Variants in ZDHHC6 observed in about 807,000 individuals in gnomAD.
ZDHHC6 encodes palmitoyltransferase ZDHHC6.
In ZDHHC6, 32 loss-of-function variants were observed where a neutral mutation model predicts 57.8. The ratio of observed to expected loss-of-function variants is 0.55; its 90% CI spans 0.42 to 0.74. The LOEUF (loss-of-function observed/expected upper bound fraction) is 0.74. ZDHHC6 is among the 30% of genes least tolerant of loss of function. ZDHHC6 has a pLI of 0.00. For synonymous variants in ZDHHC6, 128 were observed against 158.0 expected (o/e 0.81, Z 1.42); for missense variants, 433 against 500.7 (o/e 0.86, Z 1.29).
At chr10:112,446,323 A>G (rs1447597117) in intron 1 of ZDHHC6, among the ~76,000 whole-genome samples, 2 of 152,106 alleles carry the variant, frequency 1.3e-5, no homozygotes, top group Admixed American at 6.6e-5. Flanking sequence ...TATGACCAGA[A>G]GAGTATATGA....
rs773490338 is a variant in ZDHHC6 at position 112,440,595 on chromosome 10, A to C, written c.620T>G (p.Leu207Trp). The C allele has an allele frequency of 6.2e-6, 10 of 1,614,108 alleles. No individual in the cohort carries two copies. The highest frequency in any genetic ancestry group is 7.6e-6 in the Non-Finnish European group (9 of 1,179,988). ...PFGLAAFATT[L>W]FALGLALGTT... ...TCCTAAAGCTAATCCCAAGGCAAAC[A>C]AGGTGGTAGCAAATGCAGCTAATCC... Residue 207 changes from leucine (L) to tryptophan (W), a missense_variant, in exon 5 of 11, where the codon TTG becomes TGG. Transcript: ENST00000369405.
At chr10:112,443,071 A>G (rs1317029685) in intron 3 of ZDHHC6, among the ~76,000 whole-genome samples, 1 of 152,202 alleles carries the variant, frequency 6.6e-6, no homozygotes, top group Non-Finnish European at 1.5e-5. Flanking sequence ...CATTTGTGAT[A>G]ATAGGCACCT....
chr10:112,445,069 A>T, intron 2 of ZDHHC6, 101 bp downstream of exon 2: 1 of 1,347,086 alleles, frequency 7.4e-7, no homozygotes, highest in East Asian at 2.5e-5. Context: ...CTCTGTGAGG[A>T]CAAACAGTAG....
At chr10:112,441,243 G>C (rs565530364) in intron 4 of ZDHHC6, among the ~76,000 whole-genome samples, 29 of 152,176 alleles carry the variant, frequency 1.9e-4, no homozygotes, top group Non-Finnish European at 3.8e-4. Context: ...TGTTTCCTCA[G>C]AAAGTGTCAA....
intron 9 of ZDHHC6, 29 bp downstream of exon 9, chr10:112,432,347 G>A (rs201745909): frequency 1.6e-5 from 26 of 1,608,902 alleles, no homozygotes; most frequent in Non-Finnish European, 2.2e-5. Context: ...TGTCCTTGAA[G>A]AAGAAATGCA....
downstream of ZDHHC6, among the ~76,000 whole-genome samples, chr10:112,428,811 C>T (rs544678796): frequency 6.6e-6 from 1 of 151,932 alleles, no homozygotes; most frequent in Admixed American, 6.6e-5. Context: ...ACCACTAATG[C>T]CTGGTTGCCA....
In ZDHHC6 at chr10:112,445,202, C is replaced by G; in HGVS notation, c.235G>C (p.Gly79Arg). ...LYNYFNAMFV[G>R]PGFVPLGWKP... ...CACCCCAGAGGGACAAAGCCCGGAC[C>G]GACAAACATGGCATTGAAGTAATTA... is the stretch of plus-strand genomic sequence containing the variant. The change falls in exon 2 of 11, where the codon GGT (glycine) becomes CGT (arginine). Residue 79 changes from glycine to arginine, a missense_variant. By Grantham distance (125) the Gly-to-Arg change is moderately radical. Coordinates refer to ENST00000369405, the MANE Select transcript of ZDHHC6 (RefSeq NM_022494.3). The G allele has an allele frequency of 6.2e-7, 1 of 1,613,864 alleles. No homozygotes were observed.
intron 3 of ZDHHC6, among the ~76,000 whole-genome samples, 164 bp downstream of exon 3, chr10:112,443,347 ATAAT>A (rs1201183919): frequency 6.6e-6 from 1 of 152,244 alleles, no homozygotes; most frequent in Non-Finnish European, 1.5e-5. Flanking sequence ...TATTATCTAG[ATAAT>A]TTAAGTATAA....
chr10:112,445,430 T>C lies in ZDHHC6; in HGVS notation c.7A>G (p.Thr3Ala), dbSNP rs776371124. The C allele has an allele frequency of 3.1e-6, 5 of 1,612,708 alleles. No homozygotes were observed. The Admixed American group carries it at 6.7e-5, about 22-fold the overall frequency. The change falls in exon 2 of 11, where the codon ACA (threonine) becomes GCA (alanine). Residue 3 changes from threonine to alanine, a missense_variant. Thr to Ala is a moderately conservative substitution (Grantham distance 58). Coordinates refer to ENST00000369405, the MANE Select transcript of ZDHHC6 (RefSeq NM_022494.3). MGTFCSVIKFENL... is the reference protein window; with the variant it reads MGAFCSVIKFENL... ...TCAAACTTGATAACCGAACAGAATG[T>C]ACCCATTTTGGCAAGGAAGAATGCC...
upstream of ZDHHC6, chr10:112,447,421 T>G: frequency 6.2e-7 from 1 of 1,613,662 alleles, no homozygotes; most frequent in Non-Finnish European, 8.5e-7. Flanking sequence ...CGGTGCTCAC[T>G]GCAGAGATCA....
At chr10:112,447,493 G>C, upstream of ZDHHC6, 1 of 1,610,332 alleles carries the variant, frequency 6.2e-7, no homozygotes, top group Non-Finnish European at 8.5e-7. Context: ...GGCTGGACGA[G>C]GGTGCTGGGG....
chr10:112,443,115 G>T (rs893115904), intron 3 of ZDHHC6, among the ~76,000 whole-genome samples: 1 of 152,134 alleles, frequency 6.6e-6, no homozygotes, highest in African/African-American at 2.4e-5. Flanking sequence ...GTAAATGTTT[G>T]TCAATAAGTA....
At chr10:112,433,645 A>C in intron 7 of ZDHHC6, 1 of 182,034 alleles carries the variant, frequency 5.5e-6, no homozygotes, top group Non-Finnish European at 1.1e-5. Context: ...CAAACTACAA[A>C]TGAATAATGA....
At chr10:112,440,322 T>C (rs1347362249) in intron 5 of ZDHHC6, among the ~76,000 whole-genome samples, 1 of 152,210 alleles carries the variant, frequency 6.6e-6, no homozygotes, top group South Asian at 2.1e-4. Context: ...AACTTGAAGT[T>C]AGCATTTTAA....
downstream of ZDHHC6, chr10:112,425,726 T>TAATG: frequency 2.8e-6 from 1 of 359,772 alleles, no homozygotes; most frequent in Admixed American, 4.4e-5. Flanking sequence ...TACTAAAAGG[T>TAATG]AATGATTCAG....
At chr10:112,425,595 T>TAAAAAAAA (rs71489969), downstream of ZDHHC6, 3 of 537,710 alleles carry the variant, frequency 5.6e-6, no homozygotes, top group African/African-American at 2.3e-5. Context: ...CTTATAAAAC[T>TAAAAAAAA]AAAAAAAAAA....
At chr10:112,425,486 TATATC>T, downstream of ZDHHC6, 1 of 1,598,290 alleles carries the variant, frequency 6.3e-7, no homozygotes, top group African/African-American at 1.4e-5. Context: ...TTACGGGTAA[TATATC>T]ATTTTAACAA....
At chr10:112,432,106 T>G in intron 10 of ZDHHC6, 134 bp downstream of exon 10, 1 of 794,080 alleles carries the variant, frequency 1.3e-6, no homozygotes, top group Non-Finnish European at 1.9e-6. Flanking sequence ...GTTCCTTTTG[T>G]TGCTTAGTGA....
At chr10:112,433,475 G>A (rs1378325634) in intron 7 of ZDHHC6, 194 bp from the exon 8 acceptor site, 1 of 454,480 alleles carries the variant, frequency 2.2e-6, no homozygotes, top group East Asian at 3.4e-5. Flanking sequence ...GAGGCTGAGA[G>A]TGAGGTTTTC....
Sources: gnomAD v4.1 joint callset for allele counts (sites outside exome capture counted in the v4.1 genomes callset) on GRCh38, gnomAD v4.1.1 for gene constraint, MANE v1.5 for transcripts, NCBI Gene and HGNC (gene_info 2026-07-23, HGNC 2026-07-21) for gene names.